Variants in NKAIN2 observed in about 807,000 individuals in gnomAD.
NKAIN2 encodes sodium/potassium-transporting ATPase subunit beta-1-interacting protein 2.
A neutral mutation model predicts 32.6 loss-of-function variants in NKAIN2; 14 were observed. That is an observed-to-expected ratio of 0.43 (90% CI 0.28 to 0.67). The LOEUF is 0.67. Among genes scored for constraint, NKAIN2 ranks in the 30% least tolerant of loss-of-function variants. The pLI is 0.17. For synonymous variants in NKAIN2, 80 were observed against 87.2 expected (o/e 0.92, Z 0.46); for missense variants, 198 against 258.3 (o/e 0.77, Z 1.60).
intron 2 of NKAIN2, among the ~76,000 whole-genome samples, chr6:124,347,480 C>G (rs563285333): frequency 3.9e-4 from 59 of 152,300 alleles, no homozygotes; most frequent in African/African-American, 1.2e-3. Flanking sequence ...ACCAATCAGA[C>G]ACAGATTTGG....
At chr6:124,694,413 A>G (rs540356704) in intron 4 of NKAIN2, among the ~76,000 whole-genome samples, 7 of 152,340 alleles carry the variant, frequency 4.6e-5, no homozygotes, top group South Asian at 4.1e-4. Flanking sequence ...TTATTTACCA[A>G]TTGGAACCGG....
At chr6:123,848,831 T>C (rs2114952040) in intron 1 of NKAIN2, among the ~76,000 whole-genome samples, 1 of 152,302 alleles carries the variant, frequency 6.6e-6, no homozygotes, top group Non-Finnish European at 1.5e-5. Context: ...GCATTCAGAT[T>C]TGGAGAGAAA....
Position 123,958,156 on chromosome 6 carries a change from C to T in NKAIN2, c.54+153902C>T, listed in dbSNP as rs182012906. Among the ~76,000 whole-genome samples the T allele has an allele frequency of 8.3e-3, 1,260 of 152,138 alleles. 12 individuals are homozygous for T. The highest frequency in any genetic ancestry group is 0.017 in the Middle Eastern group (5 of 294). The stretch of plus-strand genomic sequence containing the variant: ...CTCTGCCCTCCAATAGCTAGGACAC[C>T]GACCAGTGTAGGAAGGTATCTTTAG... On this transcript the variant is annotated intron_variant, in intron 1 of 6. Coordinates refer to ENST00000368417, the MANE Select transcript of NKAIN2 (RefSeq NM_001040214.3).
At chr6:124,530,658 G>A (rs1358813865) in intron 3 of NKAIN2, among the ~76,000 whole-genome samples, 4 of 152,186 alleles carry the variant, frequency 2.6e-5, no homozygotes, top group Non-Finnish European at 5.9e-5. Context: ...CTCTCTGTAA[G>A]CTGGAGACCC....
At chr6:124,320,712 A>G (rs1797141839) in intron 2 of NKAIN2, among the ~76,000 whole-genome samples, 1 of 152,232 alleles carries the variant, frequency 6.6e-6, no homozygotes, top group Non-Finnish European at 1.5e-5. Flanking sequence ...GCAAAAGTAG[A>G]TGACCTTTTG....
chr6:124,794,658 A>G (rs971162169), intron 5 of NKAIN2, among the ~76,000 whole-genome samples: 1 of 152,188 alleles, frequency 6.6e-6, no homozygotes, highest in Non-Finnish European at 1.5e-5. Flanking sequence ...TGTTCATGGG[A>G]CTAGTAAACA....
chr6:124,346,672 T>C (rs1434260536), intron 2 of NKAIN2, among the ~76,000 whole-genome samples: 2 of 151,642 alleles, frequency 1.3e-5, no homozygotes, highest in African/African-American at 2.4e-5. Context: ...CCTTTTTTTG[T>C]TTTCCATTTG....
chr6:124,318,239 A>G (rs1051260639), intron 2 of NKAIN2, among the ~76,000 whole-genome samples: 1 of 151,950 alleles, frequency 6.6e-6, no homozygotes, highest in Non-Finnish European at 1.5e-5. Flanking sequence ...ATGTTTTGCT[A>G]TTTTAGTCTC....
chr6:124,238,203 C>T (rs752527086), intron 1 of NKAIN2, among the ~76,000 whole-genome samples: 5 of 151,626 alleles, frequency 3.3e-5, no homozygotes, highest in South Asian at 2.1e-4. Flanking sequence ...GCAGGAATAG[C>T]GAAAAGGGAA....
At chr6:124,398,551 A>G (rs1394455686) in intron 3 of NKAIN2, among the ~76,000 whole-genome samples, 1 of 152,174 alleles carries the variant, frequency 6.6e-6, no homozygotes, top group Non-Finnish European at 1.5e-5. Context: ...TAATATGTTT[A>G]TAGTTCACTC....
At chr6:124,206,227 C>A (rs1790876457) in intron 1 of NKAIN2, among the ~76,000 whole-genome samples, 1 of 151,854 alleles carries the variant, frequency 6.6e-6, no homozygotes, top group Non-Finnish European at 1.5e-5. Context: ...ACGTGTTGTG[C>A]TAGTTGTTTC....
chr6:124,262,499 A>C (rs1227178747), intron 1 of NKAIN2, among the ~76,000 whole-genome samples: 1 of 152,206 alleles, frequency 6.6e-6, no homozygotes, highest in Admixed American at 6.5e-5. Context: ...ATTACAGGAA[A>C]TGCACACCAG....
chr6:124,456,664 C>A (rs1195139891), intron 3 of NKAIN2, among the ~76,000 whole-genome samples: 3 of 151,756 alleles, frequency 2.0e-5, no homozygotes, highest in African/African-American at 7.3e-5. Flanking sequence ...ACTTATAAAA[C>A]TATTTTATAC....
rs139101348 is a variant in NKAIN2 at position 124,796,839 on chromosome 6, G to A, written c.535+5440G>A. Among the ~76,000 whole-genome samples, 803 of 152,300 alleles carry A rather than the reference G, an allele frequency of 5.3e-3. 3 individuals carry two copies. The highest frequency in any genetic ancestry group is 0.018 in the African/African-American group (746 of 41,562). ...AGGAAAGCAGGCATCTCGCTGTGCT[G>A]TCTTTGTGGCAGGGCTCTCTGCTGT... On this transcript the variant is annotated intron_variant, in intron 5 of 6. Coordinates refer to ENST00000368417, the MANE Select transcript of NKAIN2 (RefSeq NM_001040214.3).
At chr6:124,055,129 A>C (rs928766530) in intron 1 of NKAIN2, among the ~76,000 whole-genome samples, 5 of 152,016 alleles carry the variant, frequency 3.3e-5, no homozygotes, top group African/African-American at 1.2e-4. Flanking sequence ...CCTGAACAGA[A>C]TTTTGGGGTT....
intron 2 of NKAIN2, among the ~76,000 whole-genome samples, chr6:124,329,070 A>G (rs1583056867): frequency 6.6e-6 from 1 of 152,300 alleles, no homozygotes; most frequent in Admixed American, 6.5e-5. Context: ...AAACTGACAC[A>G]TATTGTCTCT....
chr6:123,854,978 T>C (rs1775501304), intron 1 of NKAIN2, among the ~76,000 whole-genome samples: 2 of 152,204 alleles, frequency 1.3e-5, no homozygotes, highest in African/African-American at 4.8e-5. Context: ...TCACTGTCTT[T>C]GGAGCAGCAT....
At chr6:124,819,058 A>G (rs1243342584) in intron 6 of NKAIN2, 2 of 547,212 alleles carry the variant, frequency 3.7e-6, no homozygotes, top group East Asian at 1.5e-4. Context: ...ACATACAATC[A>G]GAGCCTGATT....
At chr6:124,139,804 C>T (rs1787045786) in intron 1 of NKAIN2, among the ~76,000 whole-genome samples, 2 of 152,108 alleles carry the variant, frequency 1.3e-5, no homozygotes, top group African/African-American at 4.8e-5. Flanking sequence ...CAGTGGAGAA[C>T]ACTAGTGTTT....
Sources: allele counts gnomAD v4.1 joint callset (sites outside exome capture counted in the v4.1 genomes callset), GRCh38; gene constraint gnomAD v4.1.1; transcripts MANE v1.5; gene names NCBI Gene and HGNC (gene_info 2026-07-23, HGNC 2026-07-21).